COL25A1: variants seen among roughly 807,000 people sequenced by gnomAD.
The protein encoded by COL25A1 is collagen type XXV alpha 1 chain.
Under a neutral mutation model 128.4 loss-of-function variants are expected in COL25A1, and 103 were observed. That is an observed-to-expected ratio of 0.80 (90% CI 0.68 to 0.94). The LOEUF (loss-of-function observed/expected upper bound fraction) is 0.94, where lower values mean the gene tolerates loss of function less well. Ranked by LOEUF, COL25A1 falls within the 40% of genes least tolerant of loss-of-function variation. The probability of loss-of-function intolerance (pLI) is 0.00; values close to 1 mark genes in which losing one functional copy is unlikely to be tolerated. For missense variants in COL25A1, 745 were observed against 840.0 expected, an observed-to-expected ratio of 0.89 and a Z score of 1.40; for synonymous variants, 279 against 277.2, an observed-to-expected ratio of 1.01 and a Z score of -0.06.
chr4:109,000,956 A>G (rs1755310846), intron 6 of COL25A1, among the ~76,000 whole-genome samples: 1 of 152,016 alleles, frequency 6.6e-6, no homozygotes, highest in Non-Finnish European at 1.5e-5. Context: ...GAAAAGGCAA[A>G]AAGAAAAAGA....
At chr4:108,855,256 A>G (rs1290451121) in intron 24 of COL25A1, among the ~76,000 whole-genome samples, 1 of 144,720 alleles carries the variant, frequency 6.9e-6, no homozygotes, top group Non-Finnish European at 1.5e-5. Flanking sequence ...GGGCAAGGTT[A>G]TAAGAAAAAA....
intron 5 of COL25A1, among the ~76,000 whole-genome samples, chr4:109,041,987 C>A (rs973130355): frequency 6.6e-6 from 1 of 152,028 alleles, no homozygotes; most frequent in African/African-American, 2.4e-5. Context: ...CAGAAATAGA[C>A]CGTAGGAAAA....
chr4:108,906,879 G>C (rs1419892855), intron 13 of COL25A1, among the ~76,000 whole-genome samples: 1 of 152,130 alleles, frequency 6.6e-6, no homozygotes, highest in African/African-American at 2.4e-5. Context: ...ATGAATATAG[G>C]AGAATCAAAT....
intron 3 of COL25A1, among the ~76,000 whole-genome samples, chr4:109,104,018 C>T (rs1263046061): frequency 6.6e-6 from 1 of 152,122 alleles, no homozygotes; most frequent in Non-Finnish European, 1.5e-5. Context: ...GACATTTTAA[C>T]AGAAAATTTT....
chr4:109,027,341 GA>G (rs1388948599), intron 5 of COL25A1, among the ~76,000 whole-genome samples: 1 of 152,144 alleles, frequency 6.6e-6, no homozygotes, highest in Non-Finnish European at 1.5e-5. Flanking sequence ...CTGTAAGATG[GA>G]GGTGTGCTTA....
chr4:108,871,540 T>C (rs1578612059), intron 19 of COL25A1, among the ~76,000 whole-genome samples: 1 of 152,222 alleles, frequency 6.6e-6, no homozygotes, highest in South Asian at 2.1e-4. Flanking sequence ...ATGGTCTCGA[T>C]CTCCTGACCT....
intron 13 of COL25A1, among the ~76,000 whole-genome samples, chr4:108,904,438 A>T (rs953956305): frequency 6.6e-6 from 1 of 152,160 alleles, no homozygotes; most frequent in African/African-American, 2.4e-5. Flanking sequence ...AACAACAAGA[A>T]GTCTTGCTGA....
intron 3 of COL25A1, among the ~76,000 whole-genome samples, chr4:109,265,259 A>G (rs954986255): frequency 4.6e-5 from 7 of 152,168 alleles, no homozygotes; most frequent in African/African-American, 1.2e-4. Flanking sequence ...AACATTCGGG[A>G]GCTGAAACAC....
chr4:108,852,310 A>T, intron 25 of COL25A1, 30 bp from the exon 26 acceptor site: 1 of 1,554,694 alleles, frequency 6.4e-7, no homozygotes, highest in Non-Finnish European at 8.8e-7. Flanking sequence ...AGTTTTTAAA[A>T]GTAGTAATTA....
intron 8 of COL25A1, among the ~76,000 whole-genome samples, chr4:108,961,783 G>T (rs1267209051): frequency 6.6e-6 from 1 of 152,154 alleles, no homozygotes; most frequent in African/African-American, 2.4e-5. Context: ...ACAAGGTCAA[G>T]ATTTTGGCAA....
intron 24 of COL25A1, among the ~76,000 whole-genome samples, chr4:108,854,268 G>T (rs891203030): frequency 6.6e-6 from 1 of 152,076 alleles, no homozygotes; most frequent in African/African-American, 2.4e-5. Flanking sequence ...AAAAACCCTA[G>T]AAGAAAACCT....
chr4:108,959,281 T>A (rs1267472615), intron 8 of COL25A1, among the ~76,000 whole-genome samples: 4 of 152,096 alleles, frequency 2.6e-5, no homozygotes. Flanking sequence ...GAGAAATTTT[T>A]AAATAAGATT....
chr4:109,069,971 T>A (rs868567249), intron 3 of COL25A1, among the ~76,000 whole-genome samples: 39 of 150,932 alleles, frequency 2.6e-4, no homozygotes, highest in Non-Finnish European at 4.0e-4. Context: ...AGCAATAATT[T>A]TTTTTTTTTT....
intron 3 of COL25A1, among the ~76,000 whole-genome samples, chr4:109,190,120 G>A (rs1329244253): frequency 1.3e-5 from 2 of 152,002 alleles, no homozygotes; most frequent in Non-Finnish European, 2.9e-5. Flanking sequence ...CAATCAAGCA[G>A]ATGAAAAATA....
At chr4:109,184,694 A>G (rs1217327077) in intron 3 of COL25A1, among the ~76,000 whole-genome samples, 1 of 152,154 alleles carries the variant, frequency 6.6e-6, no homozygotes, top group African/African-American at 2.4e-5. Flanking sequence ...CTAAAGGGAG[A>G]GACTTCCTGA....
intron 3 of COL25A1, among the ~76,000 whole-genome samples, chr4:109,156,354 C>T (rs1454270436): frequency 2.0e-5 from 3 of 152,144 alleles, no homozygotes; most frequent in East Asian, 3.8e-4. Context: ...GATTTTTTTC[C>T]CCCAAAGCCT....
At chr4:109,029,030 T>C (rs1758588274) in intron 5 of COL25A1, among the ~76,000 whole-genome samples, 2 of 152,118 alleles carry the variant, frequency 1.3e-5, no homozygotes, top group African/African-American at 4.8e-5. Context: ...AAACAATATT[T>C]GATGAGTGTG....
intron 5 of COL25A1, among the ~76,000 whole-genome samples, chr4:109,044,820 T>G (rs942304117): frequency 6.6e-6 from 1 of 152,174 alleles, no homozygotes; most frequent in African/African-American, 2.4e-5. Context: ...AATAATGTTT[T>G]AAAAGATACA....
chr4:109,049,814 C>A (rs1309968125), intron 4 of COL25A1, among the ~76,000 whole-genome samples: 1 of 152,140 alleles, frequency 6.6e-6, no homozygotes. Flanking sequence ...TGCTATCACA[C>A]CGTGTGCAGC....
Sources: gnomAD v4.1 joint callset for allele counts (sites outside exome capture counted in the v4.1 genomes callset) on GRCh38, gnomAD v4.1.1 for gene constraint, MANE v1.5 for transcripts, NCBI Gene and HGNC (gene_info 2026-07-23, HGNC 2026-07-21) for gene names.